The following TYW1B variants were observed in gnomAD, a reference collection of about 807,000 sequenced individuals.
TYW1B encodes the protein S-adenosyl-L-methionine-dependent tRNA 4-demethylwyosine synthase TYW1B.
TYW1B carries 73 observed loss-of-function variants against 86.9 expected under a neutral mutation model. That is an observed-to-expected ratio of 0.84 (90% confidence interval 0.70 to 1.02). The LOEUF (loss-of-function observed/expected upper bound fraction) is 1.02, where lower values mean the gene tolerates loss of function less well. Ranked by LOEUF, TYW1B falls within the 50% of genes least tolerant of loss-of-function variation. TYW1B has a pLI of 0.00. For missense variants in TYW1B, 637 were observed against 827.4 expected (o/e 0.77, Z 2.82); for synonymous variants, 248 against 292.8 (o/e 0.85, Z 1.56).
At chr7:72,793,165 C>T (rs1788248244) in intron 6 of TYW1B, among the ~76,000 whole-genome samples, 1 of 151,826 alleles carries the variant, frequency 6.6e-6, no homozygotes, top group South Asian at 2.1e-4. Flanking sequence ...ATGGCAAAAC[C>T]CCGTCTATAC....
chr7:72,781,369 C>T (rs542090433), intron 6 of TYW1B, among the ~76,000 whole-genome samples: 1 of 152,240 alleles, frequency 6.6e-6, no homozygotes, highest in South Asian at 2.1e-4. Context: ...CAAATCACAC[C>T]TCCTGGCGTC....
At position 72,632,414 on chromosome 7, in the gene TYW1B, T is replaced by TATGTATATAAAATATATATATAC. The variant is rs1563038827; in HGVS notation, c.1507-3418_1507-3417insGTATATATATATTTTATATACAT. Among the ~76,000 whole-genome samples the TATGTATATAAAATATATATATAC allele has an allele frequency of 3.3e-4, 35 of 107,088 alleles. 2 individuals are homozygous for TATGTATATAAAATATATATATAC. Among genetic ancestry groups the TATGTATATAAAATATATATATAC allele is most frequent in the African/African-American group, 1.6e-3 (34 of 20,940 alleles). The allele number at this position is 107,088 out of a possible 152,430, so 70.3% of individuals were successfully genotyped here. A position where few individuals can be genotyped will look rare whatever the true frequency, so the allele number is the denominator to read the frequency against. Reference sequence around the variant, plus strand: ...TATATATATATAATATATATATACATATATATATAAAATATATATATACGT... The same window carrying TATGTATATAAAATATATATATAC: ...TATATATATATAATATATATATACATATGTATATAAAATATATATATACATATATATAAAATATATATATACGT... On this transcript the variant is annotated intron_variant, in intron 11 of 13. Coordinates refer to ENST00000620995, the MANE Select transcript of TYW1B (RefSeq NM_001145440.3).
chr7:72,756,259 G>A (rs1787587224), intron 7 of TYW1B, among the ~76,000 whole-genome samples: 1 of 66,550 alleles, frequency 1.5e-5, no homozygotes, highest in East Asian at 3.2e-4. Context: ...TTTTGAGAAG[G>A]AGCCTGGCTC....
chr7:72,632,312 TTATA>T (rs1202854462), intron 11 of TYW1B, among the ~76,000 whole-genome samples: 3 of 87,028 alleles, frequency 3.4e-5, no homozygotes, highest in African/African-American at 1.9e-4. Context: ...TGTATATATA[TTATA>T]TATATTATAT....
chr7:72,733,923 T>C (rs771142624), intron 8 of TYW1B, among the ~76,000 whole-genome samples: 11 of 152,094 alleles, frequency 7.2e-5, no homozygotes, highest in Non-Finnish European at 1.5e-4. Flanking sequence ...AGAAATCCTA[T>C]GCAGAATGAA....
intron 12 of TYW1B, among the ~76,000 whole-genome samples, chr7:72,627,517 A>AACAT (rs1219156343): frequency 8.9e-4 from 114 of 128,538 alleles, no homozygotes; most frequent in African/African-American, 3.2e-3. Context: ...TAACATAAAT[A>AACAT]AAATAAAATA....
chr7:72,586,419 G>C (rs1395328921), intron 13 of TYW1B, among the ~76,000 whole-genome samples: 1 of 152,200 alleles, frequency 6.6e-6, no homozygotes, highest in African/African-American at 2.4e-5. Context: ...CCAACCATAT[G>C]AAATCATTTG....
rs538051403 is a variant in TYW1B, at chr7:72,706,676, T to C, written c.1370+6945A>G. 4.6e-5 allele frequency among the ~76,000 whole-genome samples: 7 copies of C among 152,270 alleles called. No homozygotes were observed. The South Asian group carries it at 1.4e-3, about 32-fold the overall frequency. ...TGCAATTCCTCTGACAAATGGCAGA[T>C]GACACTCAGCCTCAGGGCTGAAGAA... On this transcript the variant is annotated intron_variant, in intron 10 of 13. Transcript: ENST00000620995.
chr7:72,725,507 G>A (rs1554458492), intron 9 of TYW1B, among the ~76,000 whole-genome samples: 1 of 152,152 alleles, frequency 6.6e-6, no homozygotes, highest in Non-Finnish European at 1.5e-5. Context: ...TTAATTTTAT[G>A]TGTCAACCTG....
At chr7:72,733,187 CACACACACACACCT>C (rs1196410561) in intron 8 of TYW1B, among the ~76,000 whole-genome samples, 7 of 78,292 alleles carry the variant, frequency 8.9e-5, no homozygotes, top group Non-Finnish European at 1.6e-4. Flanking sequence ...CACACACACA[CACACACACACACCT>C]CTCACACTAA....
chr7:72,637,475 GTTTCAT>G (rs1554440925), intron 11 of TYW1B, among the ~76,000 whole-genome samples: 4 of 151,466 alleles, frequency 2.6e-5, no homozygotes, highest in African/African-American at 9.7e-5. Context: ...CTATAGTGAT[GTTTCAT>G]TTTCATTTCT....
chr7:72,798,010 T>TACAC lies in TYW1B; in HGVS notation c.846+4386_846+4389dup, dbSNP rs781878514. On this transcript the variant is annotated intron_variant, in intron 6 of 13. Coordinates refer to ENST00000620995, the MANE Select transcript of TYW1B (RefSeq NM_001145440.3). Reference sequence around the variant, plus strand: ...AGCTAGAAAATACTATTTATATATATACACACACACACACACACACACACA... The same window carrying TACAC: ...AGCTAGAAAATACTATTTATATATATACACACACACACACACACACACACACACA... Among the ~76,000 whole-genome samples the TACAC allele has an allele frequency of 8.3e-4, 52 of 62,820 alleles. No homozygotes were observed. The South Asian group carries it at 0.015, about 19-fold the overall frequency. 41.2% of individuals were successfully genotyped at this position (62,820 alleles called of 152,430 possible). A position where few individuals can be genotyped will look rare whatever the true frequency, so the allele number is the denominator to read the frequency against.
intron 7 of TYW1B, among the ~76,000 whole-genome samples, chr7:72,745,952 C>A (rs1340791299): frequency 9.3e-5 from 14 of 150,128 alleles, no homozygotes; most frequent in African/African-American, 3.4e-4. Flanking sequence ...GCACCCTCTG[C>A]CTCACAGTTC....
chr7:72,820,767 C>G (rs1788813540), intron 2 of TYW1B, among the ~76,000 whole-genome samples: 1 of 152,134 alleles, frequency 6.6e-6, no homozygotes, highest in Non-Finnish European at 1.5e-5. Flanking sequence ...GGCCCATCAC[C>G]AATGTGAGGG....
At chr7:72,701,545 T>G (rs569340198) in intron 10 of TYW1B, among the ~76,000 whole-genome samples, 1 of 152,306 alleles carries the variant, frequency 6.6e-6, no homozygotes, top group Non-Finnish European at 1.5e-5. Context: ...ATGATAGACA[T>G]GAGCCACCAC....
At chr7:72,814,143 G>A (rs1554478928) in intron 3 of TYW1B, among the ~76,000 whole-genome samples, 1 of 152,020 alleles carries the variant, frequency 6.6e-6, no homozygotes, top group Non-Finnish European at 1.5e-5. Context: ...TACCAGCATA[G>A]CACACTGCCA....
At chr7:72,766,993 G>C (rs1404366616) in intron 7 of TYW1B, among the ~76,000 whole-genome samples, 1 of 151,992 alleles carries the variant, frequency 6.6e-6, no homozygotes, top group Non-Finnish European at 1.5e-5. Context: ...AAAAGATCTT[G>C]ATCAAAAGGA....
In TYW1B at chr7:72,575,551, T is replaced by C. The variant is rs782134759; in HGVS notation, c.1954A>G (p.Lys652Glu). 6.2e-7 allele frequency: 1 copy of C among 1,613,994 alleles called. No individual in the cohort carries two copies. ...TTCTTTCTCTGATGTCTTGTGTCCT[T>C]GGGATCAAAGCTTCTTTCATTGGCA... ...FGANERSFDP[K>E]DTRHQRKNKS... Residue 652 changes from lysine (K) to glutamate (E), a missense_variant, in exon 14 of 14, where the codon AAG becomes GAG. By Grantham distance (56) the Lys-to-Glu change is moderately conservative (BLOSUM62 1). Transcript: ENST00000620995.
At position 72,589,027 on chromosome 7, in the gene TYW1B, G is replaced by C. The variant is rs1305787111; in HGVS notation, c.1786-13308C>G. On this transcript the variant is annotated intron_variant, in intron 13 of 13. Transcript: ENST00000620995. Reference sequence around the variant, plus strand: ...GGGGTTTTGCCATGTTGGCCAGGCTGGTCTTGAACCCCTGACCTCAGGTGA... The same window carrying C: ...GGGGTTTTGCCATGTTGGCCAGGCTCGTCTTGAACCCCTGACCTCAGGTGA... Among the ~76,000 whole-genome samples the C allele has an allele frequency of 3.3e-5, 5 of 152,140 alleles. No homozygotes were observed. The South Asian group carries it at 8.3e-4, about 25-fold the overall frequency.
Sources: gnomAD v4.1 joint callset for allele counts (sites outside exome capture counted in the v4.1 genomes callset) on GRCh38, gnomAD v4.1.1 for gene constraint, MANE v1.5 for transcripts, NCBI Gene and HGNC (gene_info 2026-07-23, HGNC 2026-07-21) for gene names.